The following NUP210L variants were observed in gnomAD, a reference collection of about 807,000 sequenced individuals.
NUP210L encodes nucleoporin 210 like, also known as nuclear pore membrane glycoprotein 210-like.
NUP210L carries 74 observed loss-of-function variants against 208.5 expected under a neutral mutation model. The ratio of observed to expected loss-of-function variants is 0.35; its 90% CI spans 0.29 to 0.43. The LOEUF is 0.43. Among genes scored for constraint, NUP210L ranks in the 20% least tolerant of loss-of-function variants. The pLI is 1.00. For missense variants in NUP210L, 1,843 were observed against 2,289.4 expected (o/e 0.81, Z 3.98); for synonymous variants, 780 against 816.9 (o/e 0.95, Z 0.77).
At chr1:154,058,568 A>T in exon 21 of NUP210L, 1 of 1,611,428 alleles carries the variant, frequency 6.2e-7, no homozygotes, top group Middle Eastern at 1.7e-4. Context: ...GTCTCACCTT[A>T]TCAATCAGAT....
intron 2 of NUP210L, 71 bp downstream of exon 2, chr1:154,152,665 C>A (rs1659457689): frequency 7.4e-7 from 1 of 1,347,372 alleles, no homozygotes; most frequent in Admixed American, 1.9e-5. Flanking sequence ...TTTGTGTTAA[C>A]TATCTATACA....
chr1:154,140,998 A>C (rs900258315), intron 4 of NUP210L, among the ~76,000 whole-genome samples: 1 of 138,086 alleles, frequency 7.2e-6, no homozygotes, highest in Non-Finnish European at 1.6e-5. Context: ...CATCTCGAAG[A>C]AAAAAAAAAA....
intron 26 of NUP210L, 32 bp from the exon 27 acceptor site, chr1:154,046,232 T>C: frequency 6.2e-7 from 1 of 1,614,166 alleles, no homozygotes; most frequent in South Asian, 1.1e-5. Context: ...GTGCTATATA[T>C]TCTGCCCAGT....
chr1:154,023,179 T>A (rs1651662824), exon 31 of NUP210L: 1 of 1,614,028 alleles, frequency 6.2e-7, no homozygotes, highest in Non-Finnish European at 8.5e-7. Flanking sequence ...TCCGATACTA[T>A]TATAAAACTG....
At chr1:154,101,874 G>T (rs1396602311) in intron 13 of NUP210L, among the ~76,000 whole-genome samples, 6 of 152,196 alleles carry the variant, frequency 3.9e-5, no homozygotes, top group Admixed American at 6.5e-5. Context: ...ATTTAGCCGG[G>T]CATGGTGGCT....
chr1:154,104,221 A>G lies in NUP210L; in HGVS notation c.1621-11T>C. 2 of 1,609,642 alleles carry G rather than the reference A, an allele frequency of 1.2e-6. No individual in the cohort carries two copies. Among genetic ancestry groups the G allele is most frequent in the Non-Finnish European group, 1.7e-6 (2 of 1,177,516 alleles). ...TTTCAGGACATGTATCTGGAGGGGA[A>G]AAATTCATCTTTCAAGAAAGTTATG... On this transcript the variant is annotated splice_polypyrimidine_tract_variant and intron_variant, in intron 12 of 39. Coordinates refer to ENST00000368559, the Ensembl canonical transcript of NUP210L.
At chr1:154,000,903 T>C (rs751466649) in exon 37 of NUP210L, 1 of 1,614,152 alleles carries the variant, frequency 6.2e-7, no homozygotes, top group South Asian at 1.1e-5. Context: ...TGCCTCACTT[T>C]GACTGGTGAG....
At chr1:154,047,466 C>T (rs1254749983) in intron 25 of NUP210L, among the ~76,000 whole-genome samples, 1 of 152,162 alleles carries the variant, frequency 6.6e-6, no homozygotes, top group Non-Finnish European at 1.5e-5. Context: ...ATGATGCCCA[C>T]GCTGAAGGTT....
intron 17 of NUP210L, among the ~76,000 whole-genome samples, chr1:154,068,827 G>A (rs537157093): frequency 6.8e-4 from 104 of 152,184 alleles, no homozygotes; most frequent in African/African-American, 2.4e-3. Context: ...GACTGTTGTG[G>A]GGTGGGGGAA....
intron 34 of NUP210L, among the ~76,000 whole-genome samples, chr1:154,011,036 G>A (rs1650883717): frequency 6.6e-6 from 1 of 152,000 alleles, no homozygotes; most frequent in African/African-American, 2.4e-5. Context: ...GCCTTAAGAG[G>A]AATCATATAG....
chr1:154,070,283 G>A (rs548753194), exon 17 of NUP210L: 2 of 1,596,700 alleles, frequency 1.3e-6, no homozygotes, highest in Admixed American at 3.5e-5. Flanking sequence ...CATGTAACCG[G>A]GTCTGCCCAC....
chr1:154,092,699 T>G (rs1655994471), intron 15 of NUP210L, among the ~76,000 whole-genome samples: 1 of 151,388 alleles, frequency 6.6e-6, no homozygotes, highest in African/African-American at 2.4e-5. Flanking sequence ...GAGTTATTCT[T>G]TAATGGGTAT....
At chr1:154,128,685 T>C (rs889710226) in intron 8 of NUP210L, among the ~76,000 whole-genome samples, 2 of 151,990 alleles carry the variant, frequency 1.3e-5, no homozygotes, top group African/African-American at 4.8e-5. Flanking sequence ...ATCCCATCTT[T>C]ACAGAAAACA....
intron 34 of NUP210L, among the ~76,000 whole-genome samples, chr1:154,011,035 G>A (rs190413964): frequency 6.6e-6 from 1 of 152,090 alleles, no homozygotes; most frequent in East Asian, 1.9e-4. Context: ...TGCCTTAAGA[G>A]GAATCATATA....
chr1:154,036,358 GTGTA>G (rs1316981176), intron 27 of NUP210L, among the ~76,000 whole-genome samples: 23 of 82,732 alleles, frequency 2.8e-4, no homozygotes, highest in African/African-American at 1.1e-3. Context: ...GTGTGTGTGT[GTGTA>G]TAACTTTTTT....
intron 2 of NUP210L, among the ~76,000 whole-genome samples, chr1:154,143,921 C>T (rs1658983954): frequency 6.6e-6 from 1 of 152,118 alleles, no homozygotes; most frequent in Admixed American, 6.6e-5. Flanking sequence ...GTGGCTCATG[C>T]CTGTAATCCC....
At chr1:154,100,780 A>C (rs1182733895) in intron 13 of NUP210L, among the ~76,000 whole-genome samples, 1 of 151,508 alleles carries the variant, frequency 6.6e-6, no homozygotes, top group Non-Finnish European at 1.5e-5. Context: ...AGCCTCCCAA[A>C]ATGCTGGGAT....
intron 15 of NUP210L, among the ~76,000 whole-genome samples, chr1:154,093,642 A>G (rs1371316434): frequency 6.6e-6 from 1 of 152,160 alleles, no homozygotes; most frequent in Non-Finnish European, 1.5e-5. Flanking sequence ...AAATAAATAA[A>G]ATAAAATAGA....
chr1:154,055,785 T>A (rs1281620116), intron 23 of NUP210L, among the ~76,000 whole-genome samples: 1 of 152,134 alleles, frequency 6.6e-6, no homozygotes, highest in Non-Finnish European at 1.5e-5. Flanking sequence ...TAGCAAAAAA[T>A]TTAAAAGTAT....
Sources: allele counts gnomAD v4.1 joint callset (sites outside exome capture counted in the v4.1 genomes callset), GRCh38; gene constraint gnomAD v4.1.1; transcripts MANE v1.5; gene names NCBI Gene and HGNC (gene_info 2026-07-23, HGNC 2026-07-21).